Variants in LPAR1 observed in about 807,000 individuals in gnomAD.
LPAR1 encodes lysophosphatidic acid receptor 1.
Under a neutral mutation model 23.8 loss-of-function variants are expected in LPAR1, and 5 were observed. The ratio of observed to expected loss-of-function variants is 0.21; its 90% confidence interval spans 0.11 to 0.44. LPAR1 has a LOEUF of 0.44. Among genes scored for constraint, LPAR1 ranks in the 20% least tolerant of loss-of-function variants. The probability of loss-of-function intolerance (pLI) is 0.99; values close to 1 mark genes in which losing one functional copy is unlikely to be tolerated. For synonymous variants in LPAR1, 160 were observed against 164.7 expected (o/e 0.97, Z 0.22); for missense variants, 311 against 482.8 (o/e 0.64, Z 3.33).
At chr9:110,876,379 T>G (rs1361162103) in intron 5 of LPAR1, among the ~76,000 whole-genome samples, 1 of 152,236 alleles carries the variant, frequency 6.6e-6, no homozygotes, top group Non-Finnish European at 1.5e-5. Flanking sequence ...AAATTGTGAT[T>G]TTCAATGACA....
At chr9:110,915,651 A>G (rs954867861) in intron 5 of LPAR1, among the ~76,000 whole-genome samples, 1 of 152,240 alleles carries the variant, frequency 6.6e-6, no homozygotes, top group Admixed American at 6.5e-5. Context: ...ACACACATAC[A>G]TATGTCCACA....
intron 5 of LPAR1, among the ~76,000 whole-genome samples, chr9:110,898,806 T>C (rs2087490617): frequency 6.6e-6 from 1 of 152,246 alleles, no homozygotes; most frequent in South Asian, 2.1e-4. Context: ...CAGTGAATTC[T>C]TATTTTTGCT....
intron 5 of LPAR1, among the ~76,000 whole-genome samples, chr9:110,883,263 T>C (rs1262051793): frequency 6.6e-6 from 1 of 152,176 alleles, no homozygotes; most frequent in East Asian, 1.9e-4. Flanking sequence ...CTTGAATTGC[T>C]GACCTCAGCT....
chr9:110,969,221 TG>T (rs2096326825), intron 4 of LPAR1, among the ~76,000 whole-genome samples: 1 of 152,166 alleles, frequency 6.6e-6, no homozygotes, highest in Admixed American at 6.5e-5. Context: ...AATATAACTA[TG>T]TTAAGAATGT....
At chr9:110,962,756 G>A (rs961933187) in intron 4 of LPAR1, among the ~76,000 whole-genome samples, 1 of 152,190 alleles carries the variant, frequency 6.6e-6, no homozygotes, top group South Asian at 2.1e-4. Context: ...AATGGGATAA[G>A]TTTAACTTAA....
chr9:110,975,798 T>G (rs2096541843), intron 2 of LPAR1, among the ~76,000 whole-genome samples: 7 of 152,192 alleles, frequency 4.6e-5, no homozygotes, highest in Admixed American at 4.6e-4. Context: ...AGTTTCACAT[T>G]TTCAAGAAGA....
At chr9:110,893,177 T>A (rs1399243735) in intron 5 of LPAR1, among the ~76,000 whole-genome samples, 1 of 152,220 alleles carries the variant, frequency 6.6e-6, no homozygotes, top group Non-Finnish European at 1.5e-5. Context: ...GACCATCTTT[T>A]TGAAGGGCAA....
intron 4 of LPAR1, among the ~76,000 whole-genome samples, chr9:110,957,339 C>CAAAAA (rs35370181): frequency 7.1e-6 from 1 of 140,426 alleles, no homozygotes; most frequent in African/African-American, 2.7e-5. Flanking sequence ...TACTCTGTCT[C>CAAAAA]AAAAAAAAAA....
intron 1 of LPAR1, among the ~76,000 whole-genome samples, chr9:111,037,347 G>A (rs2097913682): frequency 6.6e-6 from 1 of 152,186 alleles, no homozygotes; most frequent in South Asian, 2.1e-4. Flanking sequence ...ATGAAGAGAG[G>A]AGAGCAGAAG....
chr9:110,898,199 A>G (rs2087167754), intron 5 of LPAR1, among the ~76,000 whole-genome samples: 1 of 152,190 alleles, frequency 6.6e-6, no homozygotes, highest in Non-Finnish European at 1.5e-5. Flanking sequence ...ATACAAACCA[A>G]TATTTCTGGA....
At chr9:110,914,327 C>T (rs1459093384) in intron 5 of LPAR1, among the ~76,000 whole-genome samples, 1 of 152,164 alleles carries the variant, frequency 6.6e-6, no homozygotes, top group African/African-American at 2.4e-5. Flanking sequence ...GGAGGCCTCA[C>T]AATCATGGTG....
intron 5 of LPAR1, among the ~76,000 whole-genome samples, chr9:110,914,000 T>C (rs1046333502): frequency 6.6e-6 from 1 of 152,160 alleles, no homozygotes; most frequent in African/African-American, 2.4e-5. Flanking sequence ...GGCAGGCGAT[T>C]TGGGACAAAA....
chr9:110,973,637 C>T (rs960098352), intron 2 of LPAR1, 79 bp from the exon 3 acceptor site: 3 of 152,200 alleles, frequency 2.0e-5, no homozygotes, highest in Admixed American at 6.5e-5. Context: ...AAAGTATAAC[C>T]AAATCTCTTA....
chr9:110,889,577 T>C (rs746072287), intron 5 of LPAR1, among the ~76,000 whole-genome samples: 15 of 152,226 alleles, frequency 9.9e-5, no homozygotes, highest in Non-Finnish European at 1.9e-4. Context: ...AGATTCACTG[T>C]GTATTTTTCA....
In LPAR1 at chr9:110,963,968, T is replaced by A. The variant is rs1423110070; in HGVS notation, c.45+8105A>T. 2.0e-5 allele frequency among the ~76,000 whole-genome samples: 3 copies of A among 152,256 alleles called. No homozygotes were observed. In the East Asian group the frequency reaches 5.8e-4, roughly 29 times the overall value. Reference sequence around the variant, plus strand: ...CTCAATTCTATGTTAGACGAAATTATCGTGTGGCACTGGAAACATACTTCA... The same window carrying A: ...CTCAATTCTATGTTAGACGAAATTAACGTGTGGCACTGGAAACATACTTCA... On this transcript the variant is annotated intron_variant, in intron 4 of 5. Transcript: ENST00000683809.
intron 2 of LPAR1, among the ~76,000 whole-genome samples, chr9:111,007,304 C>T (rs2097239333): frequency 6.6e-6 from 1 of 152,164 alleles, no homozygotes; most frequent in African/African-American, 2.4e-5. Flanking sequence ...ACTACCTAAA[C>T]ATTCAAAGCT....
intron 5 of LPAR1, among the ~76,000 whole-genome samples, chr9:110,923,608 T>C (rs2093793794): frequency 6.6e-6 from 1 of 152,224 alleles, no homozygotes; most frequent in Non-Finnish European, 1.5e-5. Context: ...CAATTTACGA[T>C]GGATTTATGG....
At chr9:110,925,572 G>A (rs911978142) in intron 5 of LPAR1, among the ~76,000 whole-genome samples, 1 of 152,094 alleles carries the variant, frequency 6.6e-6, no homozygotes, top group Non-Finnish European at 1.5e-5. Flanking sequence ...AGATCACCTT[G>A]TACAGGCAGA....
intron 5 of LPAR1, among the ~76,000 whole-genome samples, chr9:110,924,403 T>C (rs190530677): frequency 1.9e-4 from 29 of 152,332 alleles, no homozygotes; most frequent in Admixed American, 5.9e-4. Context: ...ATTATATGAA[T>C]TGAATAAACT....
Sources: gnomAD v4.1 joint callset for allele counts (sites outside exome capture counted in the v4.1 genomes callset) on GRCh38, gnomAD v4.1.1 for gene constraint, MANE v1.5 for transcripts, NCBI Gene and HGNC (gene_info 2026-07-23, HGNC 2026-07-21) for gene names.